The following AMPH variants were observed in gnomAD, a reference collection of about 807,000 sequenced individuals.
The protein encoded by AMPH is amphiphysin (Stiff-Mann syndrome with breast cancer 128kD autoantigen).
A neutral mutation model predicts 99.1 loss-of-function variants in AMPH; 49 were observed. The ratio of observed to expected loss-of-function variants is 0.49; its 90% CI spans 0.39 to 0.63. AMPH has a LOEUF of 0.63. AMPH is among the 20% of genes least tolerant of loss of function. AMPH has a pLI of 0.00. For missense variants in AMPH, 759 were observed against 863.4 expected (o/e 0.88, Z 1.52); for synonymous variants, 314 against 317.3 (o/e 0.99, Z 0.11).
At chr7:38,391,716 A>T (rs1784499237) in intron 19 of AMPH, 32 bp downstream of exon 19, 2 of 1,592,234 alleles carry the variant, frequency 1.3e-6, no homozygotes, top group Non-Finnish European at 1.7e-6. Flanking sequence ...AAAGCAAAAA[A>T]AGGATAAATG....
chr7:38,404,111 G>A (rs1784917702), intron 17 of AMPH, among the ~76,000 whole-genome samples: 1 of 151,996 alleles, frequency 6.6e-6, no homozygotes, highest in Non-Finnish European at 1.5e-5. Context: ...CTGCAGACTG[G>A]AGTCAAAGGA....
In AMPH at chr7:38,550,544, T is replaced by G. The variant is rs772701722; in HGVS notation, c.70-15533A>C. Among the ~76,000 whole-genome samples, 21 of 152,366 alleles carry G rather than the reference T, an allele frequency of 1.4e-4. 1 individual carries two copies. Among genetic ancestry groups the G allele is most frequent in the Middle Eastern group, 3.4e-3 (1 of 294 alleles). Reference sequence around the variant, plus strand: ...TGTTTCGCATTTCCCTCATTCTTTTTTAAAATTATTTTTATAGATTTTGGG... The same window carrying G: ...TGTTTCGCATTTCCCTCATTCTTTTGTAAAATTATTTTTATAGATTTTGGG... On this transcript the variant is annotated intron_variant, in intron 1 of 20. Coordinates refer to ENST00000356264, the MANE Select transcript of AMPH (RefSeq NM_001635.4).
At chr7:38,628,046 G>T (rs1794319360) in intron 1 of AMPH, among the ~76,000 whole-genome samples, 1 of 152,090 alleles carries the variant, frequency 6.6e-6, no homozygotes, top group African/African-American at 2.4e-5. Flanking sequence ...CAATTTAAAA[G>T]TAAATAGAAA....
At chr7:38,428,965 C>T in intron 14 of AMPH, 3 of 1,260,452 alleles carry the variant, frequency 2.4e-6, no homozygotes, top group Non-Finnish European at 3.1e-6. Flanking sequence ...TTAAGAAGTT[C>T]TACCACTCTG....
chr7:38,526,262 G>A (rs923777495), intron 2 of AMPH, among the ~76,000 whole-genome samples: 1 of 150,718 alleles, frequency 6.6e-6, no homozygotes, highest in Non-Finnish European at 1.5e-5. Context: ...ATATATTCAT[G>A]GTTTCTTTTC....
intron 2 of AMPH, among the ~76,000 whole-genome samples, chr7:38,508,637 A>G (rs1431350287): frequency 6.6e-6 from 1 of 152,194 alleles, no homozygotes; most frequent in Non-Finnish European, 1.5e-5. Context: ...TTGCAATTTT[A>G]CAAAGGTGAG....
intron 20 of AMPH, among the ~76,000 whole-genome samples, chr7:38,389,210 G>A (rs1490489818): frequency 6.6e-6 from 1 of 152,090 alleles, no homozygotes. Context: ...ACCATTTCAA[G>A]GGCTCACATA....
chr7:38,565,909 A>C (rs907910667), intron 1 of AMPH, among the ~76,000 whole-genome samples: 3 of 152,224 alleles, frequency 2.0e-5, no homozygotes, highest in Non-Finnish European at 4.4e-5. Flanking sequence ...TACTAGGCTA[A>C]AAACACTGAA....
Position 38,389,916 on chromosome 7 carries a change from T to C in AMPH, c.1879-11A>G, listed in dbSNP as rs766643117. On this transcript the variant is annotated splice_polypyrimidine_tract_variant and intron_variant, in intron 19 of 20. Coordinates refer to ENST00000356264, the MANE Select transcript of AMPH (RefSeq NM_001635.4). Reference sequence around the variant, plus strand: ...ATGCAGTGTTTCCACCTGCAGAAGATAAGAATACATAAAAATCAATTTCCC... The same window carrying C: ...ATGCAGTGTTTCCACCTGCAGAAGACAAGAATACATAAAAATCAATTTCCC... 6.3e-7 allele frequency: 1 copy of C among 1,592,030 alleles called. No individual in the cohort carries two copies. The highest frequency in any genetic ancestry group is 1.1e-5 in the South Asian group (1 of 90,620).
chr7:38,530,761 C>T (rs1045247679), intron 2 of AMPH, among the ~76,000 whole-genome samples: 9 of 152,186 alleles, frequency 5.9e-5, no homozygotes, highest in Non-Finnish European at 7.4e-5. Flanking sequence ...GAACTGAAAG[C>T]AGGTGATGTT....
At chr7:38,447,781 C>A (rs1243648707) in intron 11 of AMPH, among the ~76,000 whole-genome samples, 1 of 151,480 alleles carries the variant, frequency 6.6e-6, no homozygotes, top group Non-Finnish European at 1.5e-5. Flanking sequence ...CACACACACC[C>A]ATACACAAAA....
chr7:38,602,130 C>T (rs927807787), intron 1 of AMPH, among the ~76,000 whole-genome samples: 6 of 152,210 alleles, frequency 3.9e-5, no homozygotes, highest in African/African-American at 7.2e-5. Flanking sequence ...ACAGCCCAGA[C>T]ACTCTACAGC....
At chr7:38,428,420 A>C (rs745719622) in intron 14 of AMPH, 25 of 456,610 alleles carry the variant, frequency 5.5e-5, no homozygotes, top group Non-Finnish European at 1.0e-4. Flanking sequence ...CCAGAGAATA[A>C]TTAAGGTCAG....
At chr7:38,428,421 T>C (rs1785866153) in intron 14 of AMPH, 1 of 456,628 alleles carries the variant, frequency 2.2e-6, no homozygotes. Flanking sequence ...CAGAGAATAA[T>C]TAAGGTCAGT....
chr7:38,422,599 T>TATCC (rs1242374571), intron 15 of AMPH, 122 bp from the exon 16 acceptor site: 9 of 614,464 alleles, frequency 1.5e-5, no homozygotes, highest in South Asian at 2.3e-5. Context: ...TCTATCTATC[T>TATCC]ATCCATCTAT....
At chr7:38,630,820 G>A (rs971305031) in intron 1 of AMPH, among the ~76,000 whole-genome samples, 1 of 152,202 alleles carries the variant, frequency 6.6e-6, no homozygotes, top group Admixed American at 6.5e-5. Flanking sequence ...CCCGCAAGAA[G>A]GAAGGCTGCT....
chr7:38,388,718 C>T (rs904836365), intron 20 of AMPH, among the ~76,000 whole-genome samples: 7 of 152,210 alleles, frequency 4.6e-5, no homozygotes, highest in Middle Eastern at 3.4e-3. Flanking sequence ...TGGCTCACTG[C>T]AGCCTTGAAT....
chr7:38,411,292 A>T (rs1785209733), intron 17 of AMPH, among the ~76,000 whole-genome samples: 1 of 151,888 alleles, frequency 6.6e-6, no homozygotes, highest in Admixed American at 6.6e-5. Context: ...CTATCACCTT[A>T]CTCTCTTTGA....
intron 5 of AMPH, among the ~76,000 whole-genome samples, chr7:38,478,851 C>T (rs1467682916): frequency 6.6e-6 from 1 of 151,982 alleles, no homozygotes; most frequent in East Asian, 1.9e-4. Context: ...GGGCCCATTA[C>T]TAAACTCGAA....
Sources: gnomAD v4.1 joint callset for allele counts (sites outside exome capture counted in the v4.1 genomes callset) on GRCh38, gnomAD v4.1.1 for gene constraint, MANE v1.5 for transcripts, NCBI Gene and HGNC (gene_info 2026-07-23, HGNC 2026-07-21) for gene names.